RASGRF2: variants seen among roughly 807,000 people sequenced by gnomAD.
RASGRF2 encodes the protein ras-specific guanine nucleotide-releasing factor 2.
In RASGRF2, 76 loss-of-function variants were observed where a neutral mutation model predicts 151.0. The ratio of observed to expected loss-of-function variants is 0.50; its 90% CI spans 0.42 to 0.61. The LOEUF (loss-of-function observed/expected upper bound fraction) is 0.61. RASGRF2 is among the 20% of genes least tolerant of loss of function. The probability of loss-of-function intolerance (pLI) is 0.00; values close to 1 mark genes in which losing one functional copy is unlikely to be tolerated. For synonymous variants in RASGRF2, 504 were observed against 566.5 expected, an observed-to-expected ratio of 0.89 and a Z score of 1.57; for missense variants, 1,148 against 1,564.6, an observed-to-expected ratio of 0.73 and a Z score of 4.49.
chr5:81,138,892 C>T (rs184813635), intron 17 of RASGRF2, among the ~76,000 whole-genome samples: 3 of 152,042 alleles, frequency 2.0e-5, no homozygotes, highest in Admixed American at 1.3e-4. Flanking sequence ...GATATGGTAA[C>T]TTCTAAGTTC....
intron 4 of RASGRF2, among the ~76,000 whole-genome samples, chr5:81,072,449 T>TA (rs1477747893): frequency 6.6e-6 from 1 of 152,180 alleles, no homozygotes; most frequent in African/African-American, 2.4e-5. Context: ...AAGGATGTGT[T>TA]AAATAGATAA....
chr5:81,084,089 G>A (rs1752160883), intron 7 of RASGRF2, among the ~76,000 whole-genome samples: 1 of 152,200 alleles, frequency 6.6e-6, no homozygotes, highest in Non-Finnish European at 1.5e-5. Flanking sequence ...GAAAGGGCCA[G>A]AGACTGAATT....
chr5:80,969,731 G>A (rs566823064), intron 1 of RASGRF2, among the ~76,000 whole-genome samples: 31 of 150,772 alleles, frequency 2.1e-4, no homozygotes, highest in African/African-American at 7.1e-4. Flanking sequence ...GATTACAGGC[G>A]TGAGCCACTG....
At chr5:81,119,371 A>C (rs1211023791) in intron 15 of RASGRF2, among the ~76,000 whole-genome samples, 1 of 152,234 alleles carries the variant, frequency 6.6e-6, no homozygotes, top group African/African-American at 2.4e-5. Flanking sequence ...GGTGGGAAAG[A>C]GAGTGAAGTA....
chr5:80,960,757 T>C lies in RASGRF2; in HGVS notation c.19T>C (p.Tyr7His). 6.2e-7 allele frequency: 1 copy of C among 1,601,012 alleles called. No individual in the cohort carries two copies. The highest frequency in any genetic ancestry group is 8.5e-7 in the Non-Finnish European group (1 of 1,171,712). The change falls in exon 1 of 27, where the codon TAC becomes CAC. Residue 7 changes from tyrosine to histidine, a missense_variant. By Grantham distance (83) the Tyr-to-His change is moderately conservative. Around this residue, in one of 5 missense-constraint regions of RASGRF2, gnomAD observed 221 missense variants for 271.3 expected, o/e 0.81. Transcript: ENST00000265080. This position sits in a 1 kb window ranked among gnomAD's most constrained non-coding sequence, Gnocchi z 5.5. ...CCGCACCATGCAGAAGAGCGTGCGC[T>C]ACAACGAGGGGCACGCCCTGTACCT... MQKSVR[Y>H]NEGHALYLAF...
intron 12 of RASGRF2, among the ~76,000 whole-genome samples, chr5:81,104,837 C>A (rs1436146832): frequency 6.6e-6 from 1 of 152,142 alleles, no homozygotes; most frequent in Non-Finnish European, 1.5e-5. Context: ...GCACTTGCTT[C>A]TTATGTTGGG....
At chr5:80,990,218 G>T (rs200143308) in intron 1 of RASGRF2, among the ~76,000 whole-genome samples, 5 of 137,988 alleles carry the variant, frequency 3.6e-5, no homozygotes, top group Admixed American at 1.4e-4. Flanking sequence ...ACTGCCAGAT[G>T]TTTTTTTTTT....
chr5:81,200,958 G>A lies in RASGRF2; in HGVS notation c.2794-372G>A, dbSNP rs75173403. On this transcript the variant is annotated intron_variant, in intron 18 of 26. Transcript: ENST00000265080. The stretch of plus-strand genomic sequence containing the variant: ...GTTGGGGGCGTGGTGTGTGTTGGGG[G>A]CGTGGTACGTGTTGCAGGCCACAGG... Among the ~76,000 whole-genome samples, 883 of 152,246 alleles carry A rather than the reference G, an allele frequency of 5.8e-3. 9 individuals carry two copies. Among genetic ancestry groups the A allele is most frequent in the African/African-American group, 0.02 (837 of 41,550 alleles).
chr5:80,969,123 CTT>C (rs551407326), intron 1 of RASGRF2, among the ~76,000 whole-genome samples: 1,579 of 93,248 alleles, frequency 0.017, 36 homozygotes, highest in African/African-American at 0.061. Flanking sequence ...GTGCAGGACT[CTT>C]TTTTTTTTTT....
intron 17 of RASGRF2, among the ~76,000 whole-genome samples, chr5:81,171,690 T>A (rs1307050335): frequency 6.6e-6 from 1 of 152,200 alleles, no homozygotes. Context: ...TTCTTGAATT[T>A]TTAGAGCACT....
intron 17 of RASGRF2, among the ~76,000 whole-genome samples, chr5:81,172,441 G>A (rs967699633): frequency 3.6e-5 from 1 of 27,756 alleles, no homozygotes; most frequent in African/African-American, 1.4e-4. Flanking sequence ...GTGCGTGTGT[G>A]TGTGTGTGTG....
chr5:81,211,770 A>G (rs1038463041), intron 22 of RASGRF2, among the ~76,000 whole-genome samples: 15 of 152,228 alleles, frequency 9.9e-5, no homozygotes, highest in Admixed American at 2.0e-4. Flanking sequence ...TTTAAGTAAT[A>G]AAATTACGGT....
intron 19 of RASGRF2, chr5:81,204,317 GC>G (rs2112719164): frequency 6.6e-6 from 1 of 152,286 alleles, no homozygotes; most frequent in Admixed American, 6.5e-5. Flanking sequence ...GAAAACACAG[GC>G]TATGACTGTG....
intron 1 of RASGRF2, among the ~76,000 whole-genome samples, chr5:81,040,592 C>G (rs1750647428): frequency 6.6e-6 from 1 of 152,224 alleles, no homozygotes; most frequent in African/African-American, 2.4e-5. Flanking sequence ...ATGCATGGAT[C>G]TTAGCTCCAA....
chr5:81,071,897 G>A (rs909403287), intron 4 of RASGRF2, among the ~76,000 whole-genome samples: 4 of 151,816 alleles, frequency 2.6e-5, no homozygotes, highest in Admixed American at 2.6e-4. Context: ...TAAATAGAAA[G>A]GTTTTACTTA....
chr5:81,127,419 A>G (rs992059264), intron 17 of RASGRF2, among the ~76,000 whole-genome samples: 1 of 152,098 alleles, frequency 6.6e-6, no homozygotes, highest in South Asian at 2.1e-4. Context: ...GTTACTCAAG[A>G]CGCTGAGGCA....
chr5:80,965,340 G>C (rs1227282842), intron 1 of RASGRF2, among the ~76,000 whole-genome samples: 1 of 151,990 alleles, frequency 6.6e-6, no homozygotes, highest in African/African-American at 2.4e-5. Context: ...ATGGAATAAT[G>C]ATATTTGCTA....
intron 1 of RASGRF2, among the ~76,000 whole-genome samples, chr5:80,979,068 G>T (rs1462611603): frequency 2.6e-5 from 4 of 152,142 alleles, no homozygotes; most frequent in African/African-American, 9.7e-5. Flanking sequence ...GAATAAATTT[G>T]CAGGGTCGGT....
In RASGRF2 at chr5:81,080,778, C is replaced by T. The variant is rs1347414494; in HGVS notation, c.1150C>T (p.Pro384Ser). Reference sequence around the variant, plus strand: ...GATGCTGGAGACATTCTTGACCTATCCCATGTTTCAGGTAAGTCACTTGGG... The same window carrying T: ...GATGCTGGAGACATTCTTGACCTATTCCATGTTTCAGGTAAGTCACTTGGG... ...GRMLETFLTY[P>S]MFQIPRYIIT... Residue 384 changes from proline to serine, a missense_variant, in exon 7 of 27, where the codon CCC (proline) becomes TCC (serine). By Grantham distance (74) the Pro-to-Ser change is moderately conservative. This residue lies in a region of RASGRF2 where 176 missense variants were observed against 309.6 expected (regional missense o/e 0.57). Coordinates refer to ENST00000265080, the MANE Select transcript of RASGRF2 (RefSeq NM_006909.3). The T allele has an allele frequency of 6.2e-7, 1 of 1,612,954 alleles. No homozygotes were observed. Among genetic ancestry groups the T allele is most frequent in the Non-Finnish European group, 8.5e-7 (1 of 1,179,460 alleles).
Sources: gnomAD v4.1 joint callset for allele counts (sites outside exome capture counted in the v4.1 genomes callset) on GRCh38, gnomAD v4.1.1 for gene constraint, gnomAD v4.1.1 regional missense constraint, Gnocchi (gnomAD v3.1) non-coding constraint, MANE v1.5 for transcripts, NCBI Gene and HGNC (gene_info 2026-07-23, HGNC 2026-07-21) for gene names.